ADCY2: variants seen among roughly 807,000 people sequenced by gnomAD.
The protein encoded by ADCY2 is adenylate cyclase 2.
ADCY2 carries 31 observed loss-of-function variants against 125.2 expected under a neutral mutation model. That is an observed-to-expected ratio of 0.25 (90% confidence interval 0.19 to 0.33). The LOEUF is 0.33. ADCY2 is among the 10% of genes least tolerant of loss of function. The pLI, the probability that ADCY2 is intolerant of heterozygous loss-of-function variation, is 1.00. For missense variants in ADCY2, 904 were observed against 1,418.2 expected (o/e 0.64, Z 5.82); for synonymous variants, 512 against 548.4 (o/e 0.93, Z 0.93).
chr5:7,812,862 A>G lies in ADCY2; in HGVS notation c.2884-4004A>G, dbSNP rs137918365. ...GAGGCGGAGGTTGCAGTGAGCCAAG[A>G]TGGTGCCAGTGCACTCCAGCCTGGG... On this transcript the variant is annotated intron_variant, in intron 22 of 24. Transcript: ENST00000338316. 9.9e-4 allele frequency among the ~76,000 whole-genome samples: 151 copies of G among 152,320 alleles called. 2 individuals carry two copies. In the East Asian group the frequency reaches 0.025, roughly 25 times the overall value.
chr5:7,792,361 T>G (rs1418699428), intron 20 of ADCY2, among the ~76,000 whole-genome samples: 3 of 151,936 alleles, frequency 2.0e-5, no homozygotes, highest in African/African-American at 7.3e-5. Flanking sequence ...GCCATTGCAC[T>G]CCAGCCTCAG....
chr5:7,683,489 C>T (rs1330633537), intron 4 of ADCY2, among the ~76,000 whole-genome samples: 1 of 152,222 alleles, frequency 6.6e-6, no homozygotes, highest in Non-Finnish European at 1.5e-5. Context: ...TGCCACTTTG[C>T]ACCATGAATG....
chr5:7,590,922 AAAAT>A (rs761913190), intron 3 of ADCY2, among the ~76,000 whole-genome samples: 2 of 152,176 alleles, frequency 1.3e-5, no homozygotes, highest in Admixed American at 6.5e-5. Context: ...TAACATTAGA[AAAAT>A]AAATAATATT....
intron 2 of ADCY2, among the ~76,000 whole-genome samples, chr5:7,480,793 T>C (rs1374041282): frequency 1.3e-5 from 2 of 152,202 alleles, no homozygotes; most frequent in African/African-American, 2.4e-5. Flanking sequence ...TCCTTCCACA[T>C]TGTTGCAAAT....
chr5:7,412,031 C>T (rs1739737410), intron 1 of ADCY2, among the ~76,000 whole-genome samples: 1 of 151,648 alleles, frequency 6.6e-6, no homozygotes. Flanking sequence ...GCCGAGATCC[C>T]GCCACAGCAC....
chr5:7,577,006 C>T lies in ADCY2; in HGVS notation c.571-49161C>T, dbSNP rs1294249911. Among the ~76,000 whole-genome samples, 3 of 152,202 alleles carry T rather than the reference C, an allele frequency of 2.0e-5. No individual in the cohort carries two copies. In the East Asian group the frequency reaches 5.8e-4, roughly 29 times the overall value. ...TTGCTTAATGTATATCTTAATTAAGCAGTCCCAACATCTCAAGATACTCAA... is the reference window on the plus strand; with the variant it reads ...TTGCTTAATGTATATCTTAATTAAGTAGTCCCAACATCTCAAGATACTCAA... On this transcript the variant is annotated intron_variant, in intron 3 of 24. Transcript: ENST00000338316.
chr5:7,489,225 C>G (rs991848390), intron 2 of ADCY2, among the ~76,000 whole-genome samples: 2 of 152,166 alleles, frequency 1.3e-5, no homozygotes, highest in African/African-American at 4.8e-5. Context: ...AGAGTTCTCA[C>G]AAGAAACATA....
At position 7,576,499 on chromosome 5, in the gene ADCY2, C is replaced by T. The variant is rs1353897989; in HGVS notation, c.571-49668C>T. On this transcript the variant is annotated intron_variant, in intron 3 of 24. Transcript: ENST00000338316. Reference sequence around the variant, plus strand: ...GCTTATACAAACTAAGGCAACTTTTCATGATACCTTATGTAAAAGCTGGTA... The same window carrying T: ...GCTTATACAAACTAAGGCAACTTTTTATGATACCTTATGTAAAAGCTGGTA... 2.0e-5 allele frequency among the ~76,000 whole-genome samples: 3 copies of T among 152,200 alleles called. No individual in the cohort carries two copies. The East Asian group carries it at 5.8e-4, about 29-fold the overall frequency.
intron 2 of ADCY2, among the ~76,000 whole-genome samples, chr5:7,455,959 A>G (rs10044283): frequency 0.015 from 2,288 of 150,130 alleles, 60 homozygotes; most frequent in African/African-American, 0.052. Context: ...AACATTTTAA[A>G]TAAAAATTTA....
chr5:7,805,314 G>A (rs992817467), intron 22 of ADCY2, among the ~76,000 whole-genome samples: 1 of 152,162 alleles, frequency 6.6e-6, no homozygotes, highest in Middle Eastern at 3.4e-3. Flanking sequence ...GAGTGACACC[G>A]CATCTAAAAA....
intron 2 of ADCY2, among the ~76,000 whole-genome samples, chr5:7,449,987 G>A (rs998928823): frequency 6.6e-6 from 1 of 152,130 alleles, no homozygotes; most frequent in Non-Finnish European, 1.5e-5. Context: ...TGTGTCTTTT[G>A]ACTGCTCCAC....
intron 2 of ADCY2, among the ~76,000 whole-genome samples, chr5:7,467,659 T>A (rs1232436763): frequency 6.6e-6 from 1 of 152,238 alleles, no homozygotes; most frequent in Non-Finnish European, 1.5e-5. Context: ...ATAAGTGGAA[T>A]TTTCAAAGAA....
chr5:7,703,741 G>GT (rs1287185802), intron 7 of ADCY2, among the ~76,000 whole-genome samples: 2 of 152,102 alleles, frequency 1.3e-5, no homozygotes, highest in African/African-American at 4.8e-5. Context: ...CTTTAAAGTA[G>GT]TTTTTTCCAA....
At chr5:7,449,856 A>G (rs1741408246) in intron 2 of ADCY2, among the ~76,000 whole-genome samples, 1 of 152,198 alleles carries the variant, frequency 6.6e-6, no homozygotes, top group African/African-American at 2.4e-5. Context: ...AGTATTTGAA[A>G]AGTTTCATTA....
At chr5:7,517,694 C>A (rs1744300100) in intron 2 of ADCY2, among the ~76,000 whole-genome samples, 1 of 152,152 alleles carries the variant, frequency 6.6e-6, no homozygotes, top group Admixed American at 6.5e-5. Flanking sequence ...ACAGGGACTT[C>A]TGTATTCAGA....
intron 4 of ADCY2, among the ~76,000 whole-genome samples, chr5:7,681,175 G>A (rs547591978): frequency 4.6e-5 from 7 of 152,216 alleles, no homozygotes; most frequent in Non-Finnish European, 8.8e-5. Flanking sequence ...AAGAAGCTCA[G>A]GACATTGTTT....
At chr5:7,651,512 A>T (rs974420997) in intron 4 of ADCY2, among the ~76,000 whole-genome samples, 4 of 152,140 alleles carry the variant, frequency 2.6e-5, no homozygotes, top group African/African-American at 9.7e-5. Context: ...GAAGCACGAG[A>T]AAAAGATGAG....
intron 22 of ADCY2, among the ~76,000 whole-genome samples, chr5:7,808,407 G>A (rs964694891): frequency 6.6e-6 from 1 of 152,120 alleles, no homozygotes; most frequent in Non-Finnish European, 1.5e-5. Context: ...CCTTCACTCT[G>A]TTTTACAAAC....
At chr5:7,706,088 CA>C (rs1741258710) in intron 7 of ADCY2, among the ~76,000 whole-genome samples, 1 of 152,172 alleles carries the variant, frequency 6.6e-6, no homozygotes, top group Non-Finnish European at 1.5e-5. Context: ...TGTATTCAGC[CA>C]GCAAGAACAA....
Sources: gnomAD v4.1 joint callset for allele counts (sites outside exome capture counted in the v4.1 genomes callset) on GRCh38, gnomAD v4.1.1 for gene constraint, MANE v1.5 for transcripts, NCBI Gene and HGNC (gene_info 2026-07-23, HGNC 2026-07-21) for gene names.